The following DYNC2H1 variants were observed in gnomAD, a reference collection of about 807,000 sequenced individuals.
DYNC2H1 encodes the protein cytoplasmic dynein 2 heavy chain 1.
In DYNC2H1, 410 loss-of-function variants were observed where a neutral mutation model predicts 570.0. The observed-to-expected ratio is 0.72, with a 90% CI of 0.66 to 0.78. The LOEUF is 0.78. DYNC2H1 is among the 30% of genes least tolerant of loss of function. The probability of loss-of-function intolerance (pLI) is 0.00; values close to 1 mark genes in which losing one functional copy is unlikely to be tolerated. For synonymous variants in DYNC2H1, 1,688 were observed against 1,677.6 expected (o/e 1.01, Z -0.15); for missense variants, 4,865 against 5,046.4 (o/e 0.96, Z 1.09).
chr11:103,281,931 G>A (rs933552101), intron 71 of DYNC2H1, among the ~76,000 whole-genome samples: 9 of 152,090 alleles, frequency 5.9e-5, no homozygotes, highest in Admixed American at 2.6e-4. Flanking sequence ...TTTAGACATT[G>A]AGACTCATAT....
intron 13 of DYNC2H1, among the ~76,000 whole-genome samples, chr11:103,132,563 G>C (rs1859331542): frequency 6.6e-6 from 1 of 151,308 alleles, no homozygotes; most frequent in Non-Finnish European, 1.5e-5. Flanking sequence ...TTATATTCTG[G>C]TCATTTTGGA....
intron 62 of DYNC2H1, among the ~76,000 whole-genome samples, 198 bp from the exon 63 acceptor site, chr11:103,236,232 C>T (rs941700526): frequency 7.9e-5 from 12 of 151,880 alleles, no homozygotes; most frequent in African/African-American, 2.7e-4. Flanking sequence ...AATAGGACTT[C>T]GTGGAGTTCC....
At chr11:103,350,716 A>C (rs576912569) in intron 82 of DYNC2H1, among the ~76,000 whole-genome samples, 1 of 152,250 alleles carries the variant, frequency 6.6e-6, no homozygotes, top group East Asian at 1.9e-4. Flanking sequence ...GCTTGTAGAC[A>C]GCTGCCTTCT....
intron 17 of DYNC2H1, 95 bp from the exon 18 acceptor site, chr11:103,143,173 C>T (rs190691541): frequency 7.6e-7 from 1 of 1,314,784 alleles, no homozygotes; most frequent in Non-Finnish European, 1.1e-6. Flanking sequence ...ATATTTTCCT[C>T]TTTTTATTGG....
At chr11:103,134,193 GAT>G in intron 14 of DYNC2H1, 126 bp from the exon 15 acceptor site, 1 of 709,934 alleles carries the variant, frequency 1.4e-6, no homozygotes, top group South Asian at 2.0e-5. Flanking sequence ...GTCAAGTATT[GAT>G]ATGTCTTGTA....
At chr11:103,464,352 G>A (rs1945125562) in intron 87 of DYNC2H1, among the ~76,000 whole-genome samples, 1 of 106,878 alleles carries the variant, frequency 9.4e-6, no homozygotes, top group Non-Finnish European at 2.0e-5. Context: ...AATTGGTTAT[G>A]TTATGAGACA....
At chr11:103,398,686 T>C (rs1403241236) in intron 83 of DYNC2H1, among the ~76,000 whole-genome samples, 4 of 152,202 alleles carry the variant, frequency 2.6e-5, no homozygotes, top group Non-Finnish European at 5.9e-5. Flanking sequence ...GGCAGTTCTT[T>C]GACACTTTTA....
In DYNC2H1 at chr11:103,395,432, T is replaced by C. The variant is rs1362159874; in HGVS notation, c.12157-4231T>C. Among the ~76,000 whole-genome samples the C allele has an allele frequency of 6.6e-6, 1 of 151,690 alleles. No homozygotes were observed. Among genetic ancestry groups the C allele is most frequent in the African/African-American group, 2.4e-5 (1 of 41,296 alleles). ...ATATACATGCATATGATCATGTATG[T>C]TACATATGATCATTGTATCACTGAT... On this transcript the variant is annotated intron_variant, in intron 83 of 88. Transcript: ENST00000375735. The surrounding 1 kb of genome is among the most constrained non-coding windows in gnomAD (Gnocchi z 4.3).
intron 82 of DYNC2H1, among the ~76,000 whole-genome samples, chr11:103,332,038 A>G (rs1293446660): frequency 6.6e-6 from 1 of 151,834 alleles, no homozygotes; most frequent in Non-Finnish European, 1.5e-5. Flanking sequence ...CCAGCCTTCC[A>G]GCCTGGGTGA....
intron 45 of DYNC2H1, 63 bp from the exon 46 acceptor site, chr11:103,191,454 A>C: frequency 7.5e-7 from 1 of 1,339,606 alleles, no homozygotes; most frequent in Non-Finnish European, 1.0e-6. Flanking sequence ...GAGACTGAAA[A>C]ATTTATAACA....
chr11:103,337,175 A>G (rs1939182393), intron 82 of DYNC2H1, among the ~76,000 whole-genome samples: 1 of 152,168 alleles, frequency 6.6e-6, no homozygotes, highest in Admixed American at 6.5e-5. Context: ...CTATCCCTTT[A>G]TTTTGGCCCA....
rs1862064718 is a variant in DYNC2H1, at chr11:103,186,272, G to C, written c.6664G>C (p.Asp2222His). 1 of 1,611,758 alleles carries C rather than the reference G, an allele frequency of 6.2e-7. No homozygotes were observed. Among genetic ancestry groups the C allele is most frequent in the Admixed American group, 1.7e-5 (1 of 59,748 alleles). ...TCATTGGGCACGAGAATCTCCTCCA[G>C]ACTTTCACAAACCTATGGATACCTA... ...VFHWARESPP[D>H]FHKPMDTYYD... is the part of the protein sequence containing the mutation. Residue 2222 changes from aspartate (D) to histidine (H), a missense_variant, in exon 42 of 89, where the codon GAC becomes CAC. This residue lies in a region of DYNC2H1 where 231 missense variants were observed against 310.3 expected (regional missense o/e 0.74). Coordinates refer to ENST00000375735, the MANE Select transcript of DYNC2H1 (RefSeq NM_001377.3). This position sits in a 1 kb window ranked among gnomAD's most constrained non-coding sequence, Gnocchi z 4.5.
intron 83 of DYNC2H1, among the ~76,000 whole-genome samples, chr11:103,376,607 G>C (rs1941404160): frequency 1.3e-5 from 2 of 152,016 alleles, no homozygotes; most frequent in Admixed American, 1.3e-4. Flanking sequence ...ATTTATATTT[G>C]TGTTATCTTG....
rs117545623 is a variant in DYNC2H1, at chr11:103,249,133, C to T, written c.10042+3759C>T. On this transcript the variant is annotated intron_variant, in intron 65 of 88. Transcript: ENST00000375735. This position sits in a 1 kb window ranked among gnomAD's most constrained non-coding sequence, Gnocchi z 4.6. The stretch of plus-strand genomic sequence containing the variant: ...TTCATACAGTTAAGACTGTGTTGGA[C>T]TCTATAGTTCTACATTTGATATTTT... 2.2e-4 allele frequency among the ~76,000 whole-genome samples: 33 copies of T among 151,898 alleles called. No individual in the cohort carries two copies. The highest frequency in any genetic ancestry group is 2.8e-4 in the Non-Finnish European group (19 of 67,912).
intron 83 of DYNC2H1, among the ~76,000 whole-genome samples, chr11:103,364,452 T>C (rs1024317083): frequency 6.6e-6 from 1 of 152,228 alleles, no homozygotes; most frequent in African/African-American, 2.4e-5. Flanking sequence ...TCCCAACTTC[T>C]GTGTCATGTT....
chr11:103,227,204 AT>A (rs1027278021), intron 59 of DYNC2H1, among the ~76,000 whole-genome samples: 15 of 140,812 alleles, frequency 1.1e-4, no homozygotes, highest in East Asian at 1.1e-3. Flanking sequence ...AATCTTCGTT[AT>A]TTTTTTTTTC....
intron 54 of DYNC2H1, among the ~76,000 whole-genome samples, chr11:103,214,694 C>G (rs1863309041): frequency 6.6e-6 from 1 of 151,982 alleles, no homozygotes; most frequent in African/African-American, 2.4e-5. Context: ...CCACCCATCT[C>G]AGCCTCCCAA....
At chr11:103,408,520 A>G (rs77758383) in intron 84 of DYNC2H1, 2 of 151,982 alleles carry the variant, frequency 1.3e-5, no homozygotes, top group Admixed American at 1.3e-4. Flanking sequence ...AGGTTGCTTT[A>G]TGAAGTAGGC....
At chr11:103,331,968 G>C (rs1381266202) in intron 82 of DYNC2H1, among the ~76,000 whole-genome samples, 2 of 151,910 alleles carry the variant, frequency 1.3e-5, no homozygotes, top group South Asian at 2.1e-4. Context: ...GGTAAGGCAG[G>C]AGAATTGCTT....
Sources: gnomAD v4.1 joint callset for allele counts (sites outside exome capture counted in the v4.1 genomes callset) on GRCh38, gnomAD v4.1.1 for gene constraint, gnomAD v4.1.1 regional missense constraint, Gnocchi (gnomAD v3.1) non-coding constraint, MANE v1.5 for transcripts, NCBI Gene and HGNC (gene_info 2026-07-23, HGNC 2026-07-21) for gene names.